Variants in CELF2 observed in about 807,000 individuals in gnomAD.
The protein encoded by CELF2 is CUG triplet repeat RNA-binding protein 2.
In CELF2, 8 loss-of-function variants were observed where a neutral mutation model predicts 62.6. That is an observed-to-expected ratio of 0.13 (90% confidence interval 0.07 to 0.23). The LOEUF (loss-of-function observed/expected upper bound fraction) is 0.23. Among genes scored for constraint, CELF2 ranks in the 10% least tolerant of loss-of-function variants. The pLI is 1.00. For missense variants in CELF2, 333 were observed against 671.0 expected (o/e 0.50, Z 5.56); for synonymous variants, 258 against 250.0 (o/e 1.03, Z -0.30).
intron 1 of CELF2, among the ~76,000 whole-genome samples, chr10:11,077,552 G>C (rs2072440320): frequency 6.6e-6 from 1 of 152,134 alleles, no homozygotes; most frequent in African/African-American, 2.4e-5. Context: ...GTATGCTTTT[G>C]TCTTCTGGAA....
the CELF2 span, among the ~76,000 whole-genome samples, chr10:10,769,969 G>A: frequency 1.4e-4 from 22 of 152,170 alleles, no homozygotes; most frequent in Non-Finnish European, 2.8e-4. Flanking sequence ...GATGATGAAG[G>A]TCTGAACAAG....
intron 2 of CELF2, among the ~76,000 whole-genome samples, chr10:11,186,682 C>T (rs574280165): frequency 1.3e-5 from 2 of 152,132 alleles, no homozygotes; most frequent in East Asian, 3.9e-4. Context: ...AAATTTTTTT[C>T]AGTACTGACA....
At chr10:10,817,659 T>C (rs2056593401) in intron 1 of CELF2, among the ~76,000 whole-genome samples, 1 of 152,204 alleles carries the variant, frequency 6.6e-6, no homozygotes, top group Non-Finnish European at 1.5e-5. Context: ...TCGATCTCAT[T>C]TTTTATGGCT....
the CELF2 span, among the ~76,000 whole-genome samples, chr10:10,517,594 C>T: frequency 6.6e-6 from 1 of 152,124 alleles, no homozygotes; most frequent in African/African-American, 2.4e-5. Flanking sequence ...TAGTGAAACG[C>T]ACTGGAGACA....
At chr10:10,941,646 A>G (rs902950696) in intron 2 of CELF2, among the ~76,000 whole-genome samples, 10 of 152,152 alleles carry the variant, frequency 6.6e-5, no homozygotes, top group African/African-American at 2.2e-4. Flanking sequence ...CTCAGTTGGG[A>G]TAGTAGGAAT....
At chr10:11,284,800 T>C (rs1041888841) in intron 8 of CELF2, among the ~76,000 whole-genome samples, 2 of 147,814 alleles carry the variant, frequency 1.4e-5, no homozygotes, top group Non-Finnish European at 3.0e-5. Context: ...GGATGGATGG[T>C]GGGCGGATGA....
chr10:10,530,792 G>C, the CELF2 span, among the ~76,000 whole-genome samples: 1 of 152,212 alleles, frequency 6.6e-6, no homozygotes, highest in African/African-American at 2.4e-5. Flanking sequence ...AATATGTCAT[G>C]CTCTTCACTA....
chr10:10,564,481 T>C, the CELF2 span, among the ~76,000 whole-genome samples: 1 of 152,136 alleles, frequency 6.6e-6, no homozygotes, highest in Non-Finnish European at 1.5e-5. Flanking sequence ...AGATATGTTT[T>C]ACAGCAAATC....
intron 2 of CELF2, among the ~76,000 whole-genome samples, chr10:10,954,211 TTTATTATTATTATTATTATTA>T (rs148582483): frequency 0.027 from 3,674 of 137,278 alleles, 175 homozygotes; most frequent in African/African-American, 0.092. Context: ...TGGCAATTTA[TTTATTATTATTATTATTATTA>T]TTATTATTAT....
the CELF2 span, among the ~76,000 whole-genome samples, chr10:10,569,189 T>C: frequency 6.6e-6 from 1 of 152,094 alleles, no homozygotes; most frequent in Non-Finnish European, 1.5e-5. Flanking sequence ...GATAAAGACA[T>C]ACCTGAGACT....
the CELF2 span, among the ~76,000 whole-genome samples, chr10:10,635,742 G>A: frequency 1.3e-5 from 2 of 152,168 alleles, no homozygotes; most frequent in Admixed American, 6.5e-5. Context: ...TAATGGCTGT[G>A]AGGGAAGTGA....
the CELF2 span, among the ~76,000 whole-genome samples, chr10:10,713,841 C>T: frequency 6.6e-6 from 1 of 152,070 alleles, no homozygotes; most frequent in African/African-American, 2.4e-5. Flanking sequence ...TCGAGACCAG[C>T]CTGGCCAACG....
At chr10:10,479,200 G>A in the CELF2 span, among the ~76,000 whole-genome samples, 1 of 151,984 alleles carries the variant, frequency 6.6e-6, no homozygotes, top group Admixed American at 6.6e-5. Context: ...ATGGAGTCTT[G>A]CTCTGTCACC....
At chr10:11,099,214 C>G (rs1051725790) in intron 1 of CELF2, among the ~76,000 whole-genome samples, 1 of 152,084 alleles carries the variant, frequency 6.6e-6, no homozygotes, top group Non-Finnish European at 1.5e-5. Context: ...TTTTTTAATA[C>G]CACTGTGTTG....
intron 8 of CELF2, among the ~76,000 whole-genome samples, chr10:11,284,565 G>A (rs1386953302): frequency 7.6e-6 from 1 of 131,032 alleles, no homozygotes; most frequent in Non-Finnish European, 1.7e-5. Context: ...GGACGGAGGG[G>A]TGGGTGGATG....
At chr10:11,185,051 T>A (rs1234867439) in intron 2 of CELF2, among the ~76,000 whole-genome samples, 1 of 152,256 alleles carries the variant, frequency 6.6e-6, no homozygotes, top group Admixed American at 6.5e-5. Flanking sequence ...TGTCTTGTCT[T>A]CCTGTTTTGC....
intron 2 of CELF2, among the ~76,000 whole-genome samples, chr10:10,951,553 G>T (rs2135736524): frequency 6.6e-6 from 1 of 152,308 alleles, no homozygotes; most frequent in East Asian, 1.9e-4. Flanking sequence ...GAGTGGCTGA[G>T]GATGGCTCCA....
chr10:10,522,376 G>C, the CELF2 span, among the ~76,000 whole-genome samples: 1 of 152,138 alleles, frequency 6.6e-6, no homozygotes, highest in Non-Finnish European at 1.5e-5. Flanking sequence ...CATGCCGATT[G>C]GAATTGCGTT....
At chr10:10,520,993 C>A in the CELF2 span, among the ~76,000 whole-genome samples, 2 of 152,100 alleles carry the variant, frequency 1.3e-5, no homozygotes, top group African/African-American at 2.4e-5. Flanking sequence ...CTATGGTAAC[C>A]AAACTAGCTT....
Sources: gnomAD v4.1 joint callset for allele counts (sites outside exome capture counted in the v4.1 genomes callset) on GRCh38, gnomAD v4.1.1 for gene constraint, MANE v1.5 for transcripts, NCBI Gene and HGNC (gene_info 2026-07-23, HGNC 2026-07-21) for gene names.